Variants in TMEM232 observed in about 807,000 individuals in gnomAD.
TMEM232 encodes the protein transmembrane protein 232.
In TMEM232, 80 loss-of-function variants were observed where a neutral mutation model predicts 78.8. That is an observed-to-expected ratio of 1.01 (90% CI 0.85 to 1.22). TMEM232 has a LOEUF of 1.22. Ranked by LOEUF, TMEM232 falls within the 50% of genes most tolerant of loss-of-function variation. TMEM232 has a pLI of 0.00. For missense variants in TMEM232, 881 were observed against 742.2 expected, an observed-to-expected ratio of 1.19 and a Z score of -2.17; for synonymous variants, 297 against 254.3, an observed-to-expected ratio of 1.17 and a Z score of -1.60.
intron 11 of TMEM232, among the ~76,000 whole-genome samples, chr5:110,550,507 A>G (rs1005546288): frequency 1.6e-4 from 25 of 152,060 alleles, no homozygotes; most frequent in African/African-American, 6.0e-4. Context: ...TTTGAACTAT[A>G]AAAACAATGT....
At chr5:110,494,156 A>G (rs994799773) in intron 12 of TMEM232, among the ~76,000 whole-genome samples, 1 of 152,036 alleles carries the variant, frequency 6.6e-6, no homozygotes, top group Non-Finnish European at 1.5e-5. Flanking sequence ...TTCTTTATCC[A>G]GTCTGTCATT....
chr5:110,659,822 C>T (rs926235617), intron 2 of TMEM232, among the ~76,000 whole-genome samples: 1 of 151,932 alleles, frequency 6.6e-6, no homozygotes, highest in Non-Finnish European at 1.5e-5. Context: ...GAAAATTAGT[C>T]ACATCAAAGA....
Position 110,560,933 on chromosome 5 carries a change from T to G in TMEM232, c.1455+7514A>C, listed in dbSNP as rs537275073. The stretch of plus-strand genomic sequence containing the variant: ...TCATCCATTATTTTATTTGTGCATG[T>G]GTATTTACCATTTTATTAAAATTAT... On this transcript the variant is annotated intron_variant, in intron 11 of 13. Transcript: ENST00000455884. Among the ~76,000 whole-genome samples, 3 of 152,314 alleles carry G rather than the reference T, an allele frequency of 2.0e-5. No individual in the cohort carries two copies. In the South Asian group the frequency reaches 6.2e-4, roughly 32 times the overall value.
chr5:110,467,344 A>G (rs958335700), intron 12 of TMEM232, among the ~76,000 whole-genome samples: 4 of 152,228 alleles, frequency 2.6e-5, no homozygotes, highest in Non-Finnish European at 5.9e-5. Flanking sequence ...GCCTCCTGGT[A>G]GAGAACAGAG....
At chr5:110,732,265 CT>C (rs1287085420) in intron 2 of TMEM232, among the ~76,000 whole-genome samples, 1 of 152,196 alleles carries the variant, frequency 6.6e-6, no homozygotes, top group Non-Finnish European at 1.5e-5. Context: ...ATTTTCCTGT[CT>C]TCTTCTGAGC....
chr5:110,728,115 A>G (rs1410993935), upstream of TMEM232, among the ~76,000 whole-genome samples: 1 of 152,132 alleles, frequency 6.6e-6, no homozygotes, highest in African/African-American at 2.4e-5. Context: ...CCATAATATA[A>G]GAATCAGTTG....
chr5:110,475,092 C>A (rs1763103370), intron 12 of TMEM232, among the ~76,000 whole-genome samples: 1 of 151,906 alleles, frequency 6.6e-6, no homozygotes, highest in East Asian at 1.9e-4. Context: ...TATTAAGATT[C>A]ATCACACAGT....
chr5:110,490,511 A>T (rs1285005590), intron 12 of TMEM232, among the ~76,000 whole-genome samples: 1 of 152,168 alleles, frequency 6.6e-6, no homozygotes, highest in Non-Finnish European at 1.5e-5. Flanking sequence ...TGGCAAGTTG[A>T]TTCTAATATC....
intron 1 of TMEM232, among the ~76,000 whole-genome samples, chr5:110,683,124 T>G (rs1034869378): frequency 6.6e-6 from 1 of 152,106 alleles, no homozygotes; most frequent in Non-Finnish European, 1.5e-5. Context: ...TTATTATGTG[T>G]TTTTTTGTGT....
intron 12 of TMEM232, among the ~76,000 whole-genome samples, chr5:110,476,511 T>A (rs138050957): frequency 1.3e-5 from 2 of 152,038 alleles, no homozygotes; most frequent in Admixed American, 6.6e-5. Context: ...GATTTTGTTA[T>A]GGTATCCCTA....
At chr5:110,621,225 C>A (rs904955821) in intron 7 of TMEM232, among the ~76,000 whole-genome samples, 1 of 151,954 alleles carries the variant, frequency 6.6e-6, no homozygotes, top group African/African-American at 2.4e-5. Flanking sequence ...TATCAAACTT[C>A]AATGAATTAA....
chr5:110,620,625 CTCTCTCTCTCT>C (rs1783557290), intron 7 of TMEM232, among the ~76,000 whole-genome samples: 1 of 116,368 alleles, frequency 8.6e-6, no homozygotes, highest in Admixed American at 8.5e-5. Flanking sequence ...CTCTCTCTCT[CTCTCTCTCTCT>C]CTCCTCTCTC....
At chr5:110,667,198 T>C (rs1459645197) in intron 2 of TMEM232, 30 bp downstream of exon 2, 2 of 1,506,204 alleles carry the variant, frequency 1.3e-6, no homozygotes, top group Non-Finnish European at 1.8e-6. Flanking sequence ...CTACAATACA[T>C]ATGGGTCCTA....
intron 11 of TMEM232, among the ~76,000 whole-genome samples, chr5:110,533,313 C>T (rs1312347034): frequency 1.3e-5 from 2 of 152,164 alleles, no homozygotes; most frequent in African/African-American, 4.8e-5. Context: ...CCCTGCTGAT[C>T]GTGTCCGATT....
intron 12 of TMEM232, among the ~76,000 whole-genome samples, chr5:110,474,014 G>A (rs1561540039): frequency 6.7e-6 from 1 of 150,370 alleles, no homozygotes; most frequent in Non-Finnish European, 1.5e-5. Flanking sequence ...ATGGGGAGAG[G>A]TTGATCAATA....
At position 110,528,753 on chromosome 5, in the gene TMEM232, T is replaced by G. The variant is rs1245460544; in HGVS notation, c.1538A>C (p.Lys513Thr). 3.3e-6 allele frequency: 5 copies of G among 1,534,130 alleles called. No homozygotes were observed. In the Admixed American group the frequency reaches 9.8e-5, roughly 30 times the overall value. Residue 513 changes from lysine (K) to threonine (T), a missense_variant, in exon 12 of 14, where the codon AAA becomes ACA. By Grantham distance (78) the Lys-to-Thr change is moderately conservative. Transcript: ENST00000455884. ...SSNVGEEVFSKYIGWRIANTL... is the reference protein window; with the variant it reads ...SSNVGEEVFSTYIGWRIANTL... ...GTTGGCAATTCTCCACCCAATATATTTGGAGAAAACTTCTTCTCCTACATT... is the reference window on the plus strand; with the variant it reads ...GTTGGCAATTCTCCACCCAATATATGTGGAGAAAACTTCTTCTCCTACATT...
chr5:110,389,268 C>CAAACAAACAAACAAAACAAAACA (rs6149176), intron 4 of TMEM232, among the ~76,000 whole-genome samples: 15 of 151,370 alleles, frequency 9.9e-5, no homozygotes, highest in South Asian at 6.3e-4. Context: ...CTCAAACAAA[C>CAAACAAACAAACAAAACAAAACA]AAACAAAACA....
At chr5:110,498,789 G>C (rs1159775972) in intron 12 of TMEM232, among the ~76,000 whole-genome samples, 1 of 152,102 alleles carries the variant, frequency 6.6e-6, no homozygotes, top group Non-Finnish European at 1.5e-5. Context: ...CAGAAAGCAG[G>C]ACTTTCTATA....
At chr5:110,424,651 G>T (rs138350559) in intron 13 of TMEM232, among the ~76,000 whole-genome samples, 172 bp downstream of exon 13, 7 of 150,226 alleles carry the variant, frequency 4.7e-5, no homozygotes, top group African/African-American at 1.7e-4. Flanking sequence ...ACCCAATGAA[G>T]ACACTGGTGT....
Sources: allele counts gnomAD v4.1 joint callset (sites outside exome capture counted in the v4.1 genomes callset), GRCh38; gene constraint gnomAD v4.1.1; transcripts MANE v1.5; gene names NCBI Gene and HGNC (gene_info 2026-07-23, HGNC 2026-07-21).